SEPTIN10: variants seen among roughly 807,000 people sequenced by gnomAD.
The protein encoded by SEPTIN10 is septin-10.
SEPTIN10 carries 66 observed loss-of-function variants against 54.8 expected under a neutral mutation model. That is an observed-to-expected ratio of 1.21 (90% CI 0.99 to 1.48). The LOEUF is 1.48. SEPTIN10 is among the 40% of genes most tolerant of loss of function. The pLI, the probability that SEPTIN10 is intolerant of heterozygous loss-of-function variation, is 0.00. For missense variants in SEPTIN10, 620 were observed against 545.6 expected (o/e 1.14, Z -1.36); for synonymous variants, 161 against 181.0 (o/e 0.89, Z 0.89).
intron 5 of SEPTIN10, among the ~76,000 whole-genome samples, chr2:109,572,812 TC>T (rs1318836847): frequency 6.6e-6 from 1 of 151,886 alleles, no homozygotes; most frequent in South Asian, 2.1e-4. Context: ...AGACAAGGTT[TC>T]ACTATGTTGG....
chr2:109,607,483 C>T (rs1417312873), intron 1 of SEPTIN10, among the ~76,000 whole-genome samples: 1 of 151,950 alleles, frequency 6.6e-6, no homozygotes, highest in Non-Finnish European at 1.5e-5. Flanking sequence ...CTTGGGAGGA[C>T]AAAAATAAAT....
intron 1 of SEPTIN10, among the ~76,000 whole-genome samples, chr2:109,604,332 GA>G (rs1697376613): frequency 8.3e-6 from 1 of 120,420 alleles, no homozygotes; most frequent in African/African-American, 3.2e-5. Flanking sequence ...GACAGAGCGG[GA>G]CCCCATAGAA....
intron 4 of SEPTIN10, among the ~76,000 whole-genome samples, chr2:109,579,386 T>C (rs1248802414): frequency 1.4e-5 from 2 of 139,590 alleles, no homozygotes; most frequent in Non-Finnish European, 3.1e-5. Context: ...CAGGCCCTCC[T>C]TTTTTTTTTT....
rs149328366 is a variant in SEPTIN10 at position 109,554,106 on chromosome 2, T to C, written c.1029-887A>G. Among the ~76,000 whole-genome samples the C allele has an allele frequency of 1.4e-4, 21 of 152,280 alleles. No individual in the cohort carries two copies. The East Asian group carries it at 3.9e-3, about 28-fold the overall frequency. ...AACACTGAAATAAATGTTAGCTATA[T>C]ATACATTTAAGAAAAATTAACAAAA... On this transcript the variant is annotated intron_variant, in intron 8 of 10. Transcript: ENST00000397712.
intron 2 of SEPTIN10, among the ~76,000 whole-genome samples, chr2:109,586,496 T>C (rs562571423): frequency 6.6e-6 from 1 of 152,102 alleles, no homozygotes; most frequent in East Asian, 1.9e-4. Flanking sequence ...AAGATGTCCA[T>C]TGGAGATTGG....
In SEPTIN10 at chr2:109,574,743, T is replaced by G. The variant is rs1410833857; in HGVS notation, c.438A>C (p.Ile146=). The G allele has an allele frequency of 6.9e-6, 11 of 1,595,544 alleles. No individual in the cohort carries two copies. Among genetic ancestry groups the G allele is most frequent in the Non-Finnish European group, 8.5e-6 (10 of 1,173,168 alleles). The change falls in exon 5 of 11, where the codon ATA becomes ATC. Residue 146 remains isoleucine, a synonymous_variant. Transcript: ENST00000397712. ...EESYQPIVDY[I]DAQFEAYLQE... is the part of the protein sequence containing the mutation. ...GGAGATAGGCCTCAAACTGAGCATC[T>G]ATGTAGTCAACTATTGGTTGGTAGC...
At chr2:109,577,224 T>G (rs1298974637) in intron 4 of SEPTIN10, among the ~76,000 whole-genome samples, 1 of 152,162 alleles carries the variant, frequency 6.6e-6, no homozygotes, top group African/African-American at 2.4e-5. Context: ...TTCAAGTATG[T>G]GAGCGACACA....
At chr2:109,591,782 T>C (rs1254295380) in intron 2 of SEPTIN10, among the ~76,000 whole-genome samples, 1 of 151,890 alleles carries the variant, frequency 6.6e-6, no homozygotes, top group Non-Finnish European at 1.5e-5. Flanking sequence ...CCTATAATCA[T>C]AGCTATTTGG....
chr2:109,562,232 A>ATAAAATTAAATTTAAAAAAT (rs1201492231), intron 8 of SEPTIN10, among the ~76,000 whole-genome samples: 1 of 147,970 alleles, frequency 6.8e-6, no homozygotes, highest in Non-Finnish European at 1.5e-5. Flanking sequence ...AATAATAATA[A>ATAAAATTAAATTTAAAAAAT]TAAAATTAAA....
At chr2:109,609,615 CAAAAAAAA>C (rs59667245) in intron 1 of SEPTIN10, among the ~76,000 whole-genome samples, 1 of 97,970 alleles carries the variant, frequency 1.0e-5, no homozygotes. Flanking sequence ...GACTCCGCCT[CAAAAAAAA>C]AAAAAAAAAA....
At chr2:109,601,937 T>C (rs1453965087) in intron 1 of SEPTIN10, among the ~76,000 whole-genome samples, 9 of 152,148 alleles carry the variant, frequency 5.9e-5, no homozygotes, top group Non-Finnish European at 1.2e-4. Context: ...GTATATTCAG[T>C]CCGTCATATG....
intron 10 of SEPTIN10, chr2:109,545,411 C>T (rs1239546632): frequency 4.6e-6 from 7 of 1,535,700 alleles, no homozygotes; most frequent in Admixed American, 2.0e-5. Context: ...TTGCGATTAT[C>T]ATCCACATGC....
At chr2:109,584,453 T>C (rs558086014) in intron 4 of SEPTIN10, among the ~76,000 whole-genome samples, 23 of 118,806 alleles carry the variant, frequency 1.9e-4, no homozygotes, top group African/African-American at 7.9e-4. Flanking sequence ...CCAGACTGGG[T>C]GACAGAGCGA....
At chr2:109,561,179 C>T (rs1190249134) in intron 8 of SEPTIN10, among the ~76,000 whole-genome samples, 1 of 152,162 alleles carries the variant, frequency 6.6e-6, no homozygotes, top group Non-Finnish European at 1.5e-5. Flanking sequence ...TCCTGCTGTA[C>T]TGCAGTGAAC....
intron 4 of SEPTIN10, among the ~76,000 whole-genome samples, chr2:109,583,946 C>T (rs2105745581): frequency 6.6e-6 from 1 of 152,170 alleles, no homozygotes; most frequent in Admixed American, 6.5e-5. Flanking sequence ...ACATTGGGTA[C>T]ACATGGATAT....
In SEPTIN10 at chr2:109,592,262, C is replaced by A. The variant is rs371726990; in HGVS notation, c.99+789G>T. ...GGCAAATCACTTGAGGCCAGGAGTT[C>A]GAGACCAGCCTGGGCAACCTGGCAA... On this transcript the variant is annotated intron_variant, in intron 2 of 10. Coordinates refer to ENST00000397712, the MANE Select transcript of SEPTIN10 (RefSeq NM_144710.5). Among the ~76,000 whole-genome samples the A allele has an allele frequency of 3.3e-5, 5 of 151,554 alleles. No homozygotes were observed. The East Asian group carries it at 5.9e-4, about 18-fold the overall frequency.
At chr2:109,577,605 A>G (rs1231504598) in intron 4 of SEPTIN10, among the ~76,000 whole-genome samples, 1 of 151,438 alleles carries the variant, frequency 6.6e-6, no homozygotes, top group Non-Finnish European at 1.5e-5. Flanking sequence ...ATTTAAAAAA[A>G]AAAAAAAGAA....
In SEPTIN10 at chr2:109,575,895, T is replaced by C. The variant is rs2105474910; in HGVS notation, c.414-1128A>G. On this transcript the variant is annotated intron_variant, in intron 4 of 10. Coordinates refer to ENST00000397712, the MANE Select transcript of SEPTIN10 (RefSeq NM_144710.5). ...TTTTAAAATTATAGAATACACATTG[T>C]TCTCCCTATGCAAATGGTAAACAAT... 2.6e-5 allele frequency among the ~76,000 whole-genome samples: 4 copies of C among 152,330 alleles called. 1 individual carries two copies. The East Asian group carries it at 7.7e-4, about 29-fold the overall frequency.
At chr2:109,602,901 C>CATAAAA (rs762470085) in intron 1 of SEPTIN10, among the ~76,000 whole-genome samples, 1 of 110,396 alleles carries the variant, frequency 9.1e-6, no homozygotes, top group East Asian at 2.7e-4. Flanking sequence ...GACCCTGTCT[C>CATAAAA]AAAAAAAAAA....
Sources: allele counts gnomAD v4.1 joint callset (sites outside exome capture counted in the v4.1 genomes callset), GRCh38; gene constraint gnomAD v4.1.1; transcripts MANE v1.5; gene names NCBI Gene and HGNC (gene_info 2026-07-23, HGNC 2026-07-21).